CREB5: variants seen among roughly 807,000 people sequenced by gnomAD.
CREB5 encodes cyclic AMP-responsive element-binding protein 5.
Under a neutral mutation model 57.1 loss-of-function variants are expected in CREB5, and 19 were observed. That is an observed-to-expected ratio of 0.33 (90% CI 0.23 to 0.49). The LOEUF is 0.49. Ranked by LOEUF, CREB5 falls within the 20% of genes least tolerant of loss-of-function variation. The pLI is 0.99. For missense variants in CREB5, 579 were observed against 671.6 expected (o/e 0.86, Z 1.52); for synonymous variants, 238 against 238.3 (o/e 1.00, Z 0.01).
chr7:28,665,500 G>A (rs1232396541), intron 5 of CREB5, among the ~76,000 whole-genome samples: 1 of 152,094 alleles, frequency 6.6e-6, no homozygotes, highest in Non-Finnish European at 1.5e-5. Flanking sequence ...CCACAGCTGT[G>A]AGCATGCTAT....
chr7:28,507,015 C>T (rs1792507525), intron 3 of CREB5, among the ~76,000 whole-genome samples: 1 of 152,110 alleles, frequency 6.6e-6, no homozygotes, highest in African/African-American at 2.4e-5. Context: ...TTAATAATGA[C>T]ATTTTTAAAG....
At chr7:28,644,474 C>T (rs554897335) in intron 5 of CREB5, among the ~76,000 whole-genome samples, 7 of 152,256 alleles carry the variant, frequency 4.6e-5, no homozygotes, top group African/African-American at 9.6e-5. Context: ...GGTAAAAACA[C>T]GACTCTATCT....
intron 1 of CREB5, among the ~76,000 whole-genome samples, chr7:28,424,413 T>C (rs1458839365): frequency 6.6e-6 from 1 of 152,170 alleles, no homozygotes; most frequent in Non-Finnish European, 1.5e-5. Context: ...TTTTAGCACA[T>C]GCTGAAAATA....
intron 1 of CREB5, among the ~76,000 whole-genome samples, chr7:28,357,210 A>T (rs755929343): frequency 2.0e-5 from 3 of 152,208 alleles, no homozygotes; most frequent in Admixed American, 6.5e-5. Context: ...CACCTTGCTG[A>T]TGTCCAAATT....
At chr7:28,462,437 C>A (rs571368931) in intron 1 of CREB5, among the ~76,000 whole-genome samples, 1 of 152,082 alleles carries the variant, frequency 6.6e-6, no homozygotes, top group South Asian at 2.1e-4. Context: ...GGGTATACAC[C>A]CAGGAGTGGA....
intron 1 of CREB5, among the ~76,000 whole-genome samples, chr7:28,365,076 A>T (rs1335700902): frequency 6.6e-6 from 1 of 152,046 alleles, no homozygotes; most frequent in Non-Finnish European, 1.5e-5. Flanking sequence ...TTTTCCCTCC[A>T]TTCCACCTCA....
At chr7:28,344,025 T>C (rs1785987235) in intron 1 of CREB5, among the ~76,000 whole-genome samples, 1 of 152,076 alleles carries the variant, frequency 6.6e-6, no homozygotes, top group African/African-American at 2.4e-5. Flanking sequence ...CTATTCAGAA[T>C]TTTTGTCCAT....
chr7:28,417,306 C>T (rs576001999), intron 1 of CREB5, among the ~76,000 whole-genome samples: 1 of 151,818 alleles, frequency 6.6e-6, no homozygotes, highest in Non-Finnish European at 1.5e-5. Flanking sequence ...AACATATAAT[C>T]CATATAAAAA....
In CREB5 at chr7:28,570,345, CCT is replaced by C. The variant is rs1272067284; in HGVS notation, c.292-19_292-18del. 4.4e-6 allele frequency: 7 copies of C among 1,602,380 alleles called. No individual in the cohort carries two copies. The highest frequency in any genetic ancestry group is 6.0e-6 in the Non-Finnish European group (7 of 1,172,076). ...AACATTGACTCCTCCTGACCTTTCC[CCT>C]GTGTCTTCTCTGGGCAGAATATCTC... On this transcript the variant is annotated intron_variant, in intron 4 of 10. Transcript: ENST00000357727.
chr7:28,331,289 A>G (rs992524034), intron 1 of CREB5, among the ~76,000 whole-genome samples: 1 of 151,968 alleles, frequency 6.6e-6, no homozygotes, highest in Non-Finnish European at 1.5e-5. Context: ...TGTTCCTAAG[A>G]CATTTTTTAT....
At position 28,824,595 on chromosome 7, in the gene CREB5, C is replaced by T. The variant is rs1554305645; in HGVS notation, c.*5316C>T. The T allele has an allele frequency of 2.6e-5, 4 of 152,562 alleles. No individual in the cohort carries two copies. Among genetic ancestry groups the T allele is most frequent in the Non-Finnish European group, 5.9e-5 (4 of 68,022 alleles). The allele number at this position is 152,562 out of a possible 1,614,324, so 9.5% of individuals were successfully genotyped here. On this transcript the variant is annotated 3_prime_UTR_variant, in exon 11 of 11. Transcript: ENST00000357727. ...GTAAAATTCAATACCAAAACAAACA[C>T]AAAGAAATTTAAAAAACAAAAAACC...
chr7:28,305,860 A>C (rs1033298026), intron 1 of CREB5, among the ~76,000 whole-genome samples: 3 of 151,960 alleles, frequency 2.0e-5, no homozygotes, highest in African/African-American at 4.8e-5. Flanking sequence ...GTTTGCCCAG[A>C]TGTAACAACT....
chr7:28,774,786 C>T lies in CREB5; in HGVS notation c.703-29413C>T, dbSNP rs142907563. Among the ~76,000 whole-genome samples, 304 of 152,272 alleles carry T rather than the reference C, an allele frequency of 2.0e-3. 3 individuals carry two copies. Among genetic ancestry groups the T allele is most frequent in the East Asian group, 6.0e-3 (31 of 5,184 alleles). On this transcript the variant is annotated intron_variant, in intron 7 of 10. Transcript: ENST00000357727. ...ATGGGGTAGCCAAAGCAGGGCACTG[C>T]GACAGTATGAGTTGTTTTTGTTAAT...
intron 5 of CREB5, among the ~76,000 whole-genome samples, chr7:28,605,486 T>C (rs1797094598): frequency 6.6e-6 from 1 of 152,208 alleles, no homozygotes; most frequent in African/African-American, 2.4e-5. Flanking sequence ...TTTTTCTATT[T>C]TTGGCCTTCA....
chr7:28,686,306 C>A lies in CREB5; in HGVS notation c.465-32447C>A. The A allele has an allele frequency of 3.9e-6, 3 of 760,404 alleles. No homozygotes were observed. The South Asian group carries it at 4.6e-5, about 12-fold the overall frequency. 47.1% of individuals were successfully genotyped at this position (760,404 alleles called of 1,614,324 possible). Reference sequence around the variant, plus strand: ...CTCCTCCTCCTCCTCTTCATTTTCTCCCCCTTCTCCCTTTCTGCCCGTCTT... The same window carrying A: ...CTCCTCCTCCTCCTCTTCATTTTCTACCCCTTCTCCCTTTCTGCCCGTCTT... On this transcript the variant is annotated intron_variant, in intron 5 of 10. Coordinates refer to ENST00000357727, the MANE Select transcript of CREB5 (RefSeq NM_182898.4).
At chr7:28,361,093 G>A (rs1468193435) in intron 1 of CREB5, among the ~76,000 whole-genome samples, 1 of 152,062 alleles carries the variant, frequency 6.6e-6, no homozygotes, top group East Asian at 1.9e-4. Context: ...AAACACCTCT[G>A]ATTTATTTTA....
chr7:28,403,080 G>A (rs1373370595), intron 1 of CREB5, among the ~76,000 whole-genome samples: 3 of 152,196 alleles, frequency 2.0e-5, no homozygotes, highest in African/African-American at 7.2e-5. Context: ...GTGTAAAAAT[G>A]CATTTGTATG....
chr7:28,784,821 T>G (rs1361726059), intron 7 of CREB5, among the ~76,000 whole-genome samples: 1 of 152,168 alleles, frequency 6.6e-6, no homozygotes, highest in Non-Finnish European at 1.5e-5. Flanking sequence ...TGGGCCTTTC[T>G]GGAATGAGTG....
chr7:28,615,885 G>T (rs920198697), intron 5 of CREB5: 1 of 152,164 alleles, frequency 6.6e-6, no homozygotes, highest in South Asian at 2.1e-4. Flanking sequence ...ACAGGGCCCC[G>T]GAGTAGCAAC....
Sources: gnomAD v4.1 joint callset for allele counts (sites outside exome capture counted in the v4.1 genomes callset) on GRCh38, gnomAD v4.1.1 for gene constraint, MANE v1.5 for transcripts, NCBI Gene and HGNC (gene_info 2026-07-23, HGNC 2026-07-21) for gene names.